The following CPNE4 variants were observed in gnomAD, a reference collection of about 807,000 sequenced individuals.
CPNE4 encodes the protein copine 4.
A neutral mutation model predicts 67.9 loss-of-function variants in CPNE4; 25 were observed. That is an observed-to-expected ratio of 0.37 (90% CI 0.27 to 0.51). The LOEUF is 0.51. Ranked by LOEUF, CPNE4 falls within the 20% of genes least tolerant of loss-of-function variation. The probability of loss-of-function intolerance (pLI) is 0.93; values close to 1 mark genes in which losing one functional copy is unlikely to be tolerated. For missense variants in CPNE4, 464 were observed against 690.8 expected (o/e 0.67, Z 3.68); for synonymous variants, 242 against 244.9 (o/e 0.99, Z 0.11).
At chr3:132,011,072 A>G (rs780073964) in intron 1 of CPNE4, among the ~76,000 whole-genome samples, 2 of 152,214 alleles carry the variant, frequency 1.3e-5, no homozygotes, top group Non-Finnish European at 2.9e-5. Context: ...ACTGAAGCTC[A>G]GAAACGGGAA....
rs1056564374 is a variant in CPNE4, at chr3:131,981,228, C to T, written c.-2+53339G>A. On this transcript the variant is annotated intron_variant, in intron 1 of 15. Coordinates refer to ENST00000429747, the MANE Select transcript of CPNE4 (RefSeq NM_130808.3). ...CAGCTGTGGTAGAATGGGGAGGAAC[C>T]GGTGGTGGGTGGGGCCCTAGAACTC... Among the ~76,000 whole-genome samples, 14 of 149,972 alleles carry T rather than the reference C, an allele frequency of 9.3e-5. 1 individual carries two copies. The highest frequency in any genetic ancestry group is 3.4e-4 in the Admixed American group (5 of 14,922).
chr3:131,848,956 C>CAAAAAAAAAAAAAAAAA lies in CPNE4; in HGVS notation c.180+56291_180+56307dup, dbSNP rs67407668. ...ACTGGTGGAATGACAGTAGTGATTA[C>CAAAAAAAAAAAAAAAAA]AAAAAAAAAAAAAAAAAAAAAAAAA... On this transcript the variant is annotated intron_variant, in intron 2 of 15. Transcript: ENST00000429747. 8.8e-5 allele frequency among the ~76,000 whole-genome samples: 7 copies of CAAAAAAAAAAAAAAAAA among 79,636 alleles called. 1 individual carries two copies. The highest frequency in any genetic ancestry group is 3.4e-4 in the African/African-American group (5 of 14,502). 52.2% of individuals were successfully genotyped at this position (79,636 alleles called of 152,430 possible).
chr3:131,572,278 C>T (rs1449740515), intron 10 of CPNE4, among the ~76,000 whole-genome samples: 2 of 151,996 alleles, frequency 1.3e-5, no homozygotes, highest in Non-Finnish European at 2.9e-5. Flanking sequence ...AGGGACAATT[C>T]ACAAACATGT....
intron 2 of CPNE4, among the ~76,000 whole-genome samples, chr3:131,807,354 C>T (rs536591965): frequency 2.0e-5 from 3 of 152,094 alleles, no homozygotes; most frequent in Admixed American, 6.6e-5. Context: ...GGTATCATAT[C>T]GCATATATAA....
intron 11 of CPNE4, among the ~76,000 whole-genome samples, chr3:131,560,205 C>T (rs1188716583): frequency 6.6e-6 from 1 of 151,974 alleles, no homozygotes; most frequent in Non-Finnish European, 1.5e-5. Context: ...ATCCTTATAA[C>T]TGCTCTGCAA....
chr3:131,945,968 A>C (rs2071541054), intron 1 of CPNE4, among the ~76,000 whole-genome samples: 1 of 152,190 alleles, frequency 6.6e-6, no homozygotes, highest in Non-Finnish European at 1.5e-5. Flanking sequence ...ACCCATCTCA[A>C]ACCTACTAGA....
At chr3:131,639,850 T>A (rs890262337) in intron 7 of CPNE4, among the ~76,000 whole-genome samples, 1 of 152,128 alleles carries the variant, frequency 6.6e-6, no homozygotes, top group African/African-American at 2.4e-5. Context: ...TGAGATGGTT[T>A]AACATACATA....
chr3:131,595,258 C>T lies in CPNE4; in HGVS notation c.682-7676G>A, dbSNP rs557339122. ...GAAATCAGCATCTTGAACAGGATGT[C>T]TGCACTCTCAGGTTCATTGCAGCAT... On this transcript the variant is annotated intron_variant, in intron 7 of 15. Coordinates refer to ENST00000429747, the MANE Select transcript of CPNE4 (RefSeq NM_130808.3). Among the ~76,000 whole-genome samples, 16 of 152,300 alleles carry T rather than the reference C, an allele frequency of 1.1e-4. 1 individual carries two copies. In the South Asian group the frequency reaches 2.7e-3, roughly 26 times the overall value.
At chr3:131,700,053 C>CTTTTTTTTTTTTTTTT (rs1453079495) in intron 3 of CPNE4, 73 bp from the exon 4 acceptor site, 3 of 344,700 alleles carry the variant, frequency 8.7e-6, no homozygotes, top group African/African-American at 8.3e-5. Flanking sequence ...ATTTTTTAAA[C>CTTTTTTTTTTTTTTTT]CTTTTTTTTT....
At chr3:131,952,132 G>C (rs1336605884) in intron 1 of CPNE4, among the ~76,000 whole-genome samples, 22 of 147,702 alleles carry the variant, frequency 1.5e-4, no homozygotes, top group Non-Finnish European at 2.8e-4. Context: ...GCCTCTTCCC[G>C]GCCGCCATCA....
At chr3:131,858,381 C>T (rs2107660723) in intron 2 of CPNE4, among the ~76,000 whole-genome samples, 1 of 152,076 alleles carries the variant, frequency 6.6e-6, no homozygotes, top group South Asian at 2.1e-4. Flanking sequence ...ACAAGCAGCC[C>T]CAGATAAAAG....
At chr3:131,542,252 T>A (rs146185309) in intron 15 of CPNE4, among the ~76,000 whole-genome samples, 13 of 152,254 alleles carry the variant, frequency 8.5e-5, no homozygotes, top group African/African-American at 2.6e-4. Flanking sequence ...CTAAATTATA[T>A]GAATTATAGG....
chr3:131,743,630 A>G (rs901135879), intron 2 of CPNE4, among the ~76,000 whole-genome samples: 1 of 152,222 alleles, frequency 6.6e-6, no homozygotes, highest in South Asian at 2.1e-4. Flanking sequence ...CAATGTAATT[A>G]ATCACATCAA....
At chr3:131,826,359 T>C (rs2085158539) in intron 2 of CPNE4, among the ~76,000 whole-genome samples, 1 of 151,944 alleles carries the variant, frequency 6.6e-6, no homozygotes, top group African/African-American at 2.4e-5. Flanking sequence ...GCCTGGTTAA[T>C]TAAAAAAAAA....
At chr3:131,632,018 C>T (rs1295507491) in intron 7 of CPNE4, among the ~76,000 whole-genome samples, 2 of 149,960 alleles carry the variant, frequency 1.3e-5, no homozygotes, top group African/African-American at 4.9e-5. Flanking sequence ...GCACGAGAAT[C>T]GCTTGAGCCC....
At position 131,927,426 on chromosome 3, in the gene CPNE4, A is replaced by T. The variant is rs115425924; in HGVS notation, c.-1-21982T>A. On this transcript the variant is annotated intron_variant, in intron 1 of 15. Coordinates refer to ENST00000429747, the MANE Select transcript of CPNE4 (RefSeq NM_130808.3). ...ACATCTCCATGTTTCTTTCCTTCCT[A>T]CCACTACAAATACTTGTCTTTCACT... is the stretch of plus-strand genomic sequence containing the variant. Among the ~76,000 whole-genome samples the T allele has an allele frequency of 9.9e-3, 1,206 of 121,692 alleles. 17 individuals are homozygous for T. Among genetic ancestry groups the T allele is most frequent in the African/African-American group, 0.032 (1,075 of 33,996 alleles). The allele number at this position is 121,692 out of a possible 152,430, so 79.8% of individuals were successfully genotyped here. A position where few individuals can be genotyped will look rare whatever the true frequency, so the allele number is the denominator to read the frequency against.
chr3:131,986,261 A>G (rs1456557719), intron 1 of CPNE4, among the ~76,000 whole-genome samples: 1 of 152,142 alleles, frequency 6.6e-6, no homozygotes, highest in Non-Finnish European at 1.5e-5. Context: ...GTGTTTGCCA[A>G]TTTCTGTTGT....
At chr3:131,740,637 A>G (rs2082335000) in intron 2 of CPNE4, among the ~76,000 whole-genome samples, 2 of 152,146 alleles carry the variant, frequency 1.3e-5, no homozygotes, top group Non-Finnish European at 2.9e-5. Context: ...TTGGATTATT[A>G]GGATACTGTC....
At chr3:131,911,543 T>TTGTGTGTGTGTG (rs3041573) in intron 1 of CPNE4, among the ~76,000 whole-genome samples, 102 of 146,064 alleles carry the variant, frequency 7.0e-4, no homozygotes, top group East Asian at 5.5e-3. Flanking sequence ...GCACTCCAAG[T>TTGTGTGTGTGTG]TGTGTGTGTG....
Sources: gnomAD v4.1 joint callset for allele counts (sites outside exome capture counted in the v4.1 genomes callset) on GRCh38, gnomAD v4.1.1 for gene constraint, MANE v1.5 for transcripts, NCBI Gene and HGNC (gene_info 2026-07-23, HGNC 2026-07-21) for gene names.